Variants in MEGF11 observed in about 807,000 individuals in gnomAD.
MEGF11 encodes multiple epidermal growth factor-like domains protein 11.
MEGF11 carries 126 observed loss-of-function variants against 146.6 expected under a neutral mutation model. The observed-to-expected ratio is 0.86, with a 90% CI of 0.74 to 1.00. The LOEUF (loss-of-function observed/expected upper bound fraction) is 1.00. Among genes scored for constraint, MEGF11 ranks in the 50% least tolerant of loss-of-function variants. The probability of loss-of-function intolerance (pLI) is 0.00; values close to 1 mark genes in which losing one functional copy is unlikely to be tolerated. For missense variants in MEGF11, 1,509 were observed against 1,521.2 expected, an observed-to-expected ratio of 0.99 and a Z score of 0.13; for synonymous variants, 532 against 583.4, an observed-to-expected ratio of 0.91 and a Z score of 1.27.
At chr15:66,052,435 TCTCAA>T (rs1187712564) in intron 5 of MEGF11, among the ~76,000 whole-genome samples, 3 of 152,136 alleles carry the variant, frequency 2.0e-5, no homozygotes, top group Non-Finnish European at 4.4e-5. Context: ...TTGAAAGAGC[TCTCAA>T]AAGCACATAG....
intron 1 of MEGF11, among the ~76,000 whole-genome samples, chr15:66,169,894 C>T (rs1001932072): frequency 6.6e-6 from 1 of 152,172 alleles, no homozygotes; most frequent in Non-Finnish European, 1.5e-5. Flanking sequence ...CTTCTCCAAG[C>T]TCCCTTCACC....
At chr15:66,185,187 A>G (rs1052928387) in intron 1 of MEGF11, among the ~76,000 whole-genome samples, 1 of 151,986 alleles carries the variant, frequency 6.6e-6, no homozygotes, top group African/African-American at 2.4e-5. Flanking sequence ...GAATGTGGGG[A>G]CGGCAGCTCA....
At chr15:66,173,840 A>G (rs1345919435) in intron 1 of MEGF11, among the ~76,000 whole-genome samples, 1 of 152,216 alleles carries the variant, frequency 6.6e-6, no homozygotes, top group African/African-American at 2.4e-5. Flanking sequence ...TGCTTCCTGC[A>G]GAGACCACCC....
intron 7 of MEGF11, among the ~76,000 whole-genome samples, chr15:65,972,544 A>T (rs1008928930): frequency 2.0e-5 from 3 of 152,140 alleles, no homozygotes; most frequent in Non-Finnish European, 4.4e-5. Flanking sequence ...TCTCATCTCT[A>T]CAAAAACAAA....
chr15:66,150,522 G>A (rs2089524037), intron 1 of MEGF11, among the ~76,000 whole-genome samples: 2 of 151,996 alleles, frequency 1.3e-5, no homozygotes, highest in African/African-American at 4.8e-5. Context: ...ATTAACTGCA[G>A]TAAGCCCACC....
chr15:65,969,973 A>G, intron 8 of MEGF11, among the ~76,000 whole-genome samples: 1 of 152,072 alleles, frequency 6.6e-6, no homozygotes, highest in Non-Finnish European at 1.5e-5. Flanking sequence ...CTGCCCTGTC[A>G]TCATGGCCTC....
At position 65,933,077 on chromosome 15, in the gene MEGF11, C is replaced by T. The variant is rs187261092; in HGVS notation, c.1288-2134G>A. ...GAACCGAGGGTGTGGGTCTTTGCCA[C>T]GGAGAGGCTTCTCTCCAGCCCTTTT... On this transcript the variant is annotated intron_variant, in intron 10 of 25. Coordinates refer to ENST00000395614, the MANE Select transcript of MEGF11 (RefSeq NM_001385028.1). Among the ~76,000 whole-genome samples, 662 of 152,200 alleles carry T rather than the reference C, an allele frequency of 4.3e-3. 11 individuals carry two copies. The highest frequency in any genetic ancestry group is 0.015 in the African/African-American group (640 of 41,518).
At chr15:66,198,012 C>G (rs1177303247) in intron 1 of MEGF11, among the ~76,000 whole-genome samples, 1 of 152,176 alleles carries the variant, frequency 6.6e-6, no homozygotes, top group Non-Finnish European at 1.5e-5. Context: ...ATCGCTAGAG[C>G]TCAGGAGTTC....
chr15:66,040,932 C>A (rs2083947432), intron 5 of MEGF11, among the ~76,000 whole-genome samples: 1 of 151,368 alleles, frequency 6.6e-6, no homozygotes, highest in African/African-American at 2.4e-5. Context: ...TTTTTCCCCC[C>A]CGGTTTTCAC....
chr15:66,130,482 G>A (rs2088593401), intron 1 of MEGF11, among the ~76,000 whole-genome samples: 1 of 152,108 alleles, frequency 6.6e-6, no homozygotes, highest in Non-Finnish European at 1.5e-5. Context: ...AAAAGATGAG[G>A]CCACCTGGAC....
At chr15:66,145,384 C>T (rs954559721) in intron 1 of MEGF11, among the ~76,000 whole-genome samples, 5 of 152,058 alleles carry the variant, frequency 3.3e-5, no homozygotes, top group African/African-American at 1.2e-4. Flanking sequence ...TTCAAAGCCA[C>T]TTACAAAGTG....
At chr15:65,923,036 A>C in intron 13 of MEGF11, 67 bp from the exon 14 acceptor site, 9 of 1,547,172 alleles carry the variant, frequency 5.8e-6, no homozygotes, top group Non-Finnish European at 7.9e-6. Context: ...AATGGAGGGA[A>C]GGGGGACAGT....
At chr15:66,047,345 A>T (rs1277228733) in intron 5 of MEGF11, among the ~76,000 whole-genome samples, 1 of 152,164 alleles carries the variant, frequency 6.6e-6, no homozygotes, top group Admixed American at 6.5e-5. Context: ...GTTACTGAAC[A>T]TCTCTAAGCC....
At chr15:66,151,817 G>T (rs1368433202) in intron 1 of MEGF11, among the ~76,000 whole-genome samples, 1 of 152,204 alleles carries the variant, frequency 6.6e-6, no homozygotes, top group African/African-American at 2.4e-5. Context: ...AAGACAGACC[G>T]CTGACCCTGG....
chr15:65,982,572 T>G lies in MEGF11; in HGVS notation c.395-84A>C. ...GCCAGGAACCGATGCCCATGCGGCC[T>G]TCCCATCTTTGCAGCGCTGCTCCCC... On this transcript the variant is annotated intron_variant, in intron 5 of 25. Transcript: ENST00000395614. The surrounding 1 kb of genome is among the most constrained non-coding windows in gnomAD (Gnocchi z 5.6). 1 of 1,390,220 alleles carries G rather than the reference T, an allele frequency of 7.2e-7. No individual in the cohort carries two copies. Among genetic ancestry groups the G allele is most frequent in the Non-Finnish European group, 9.3e-7 (1 of 1,071,192 alleles). 86.1% of individuals were successfully genotyped at this position (1,390,220 alleles called of 1,614,324 possible).
At chr15:65,994,439 C>T (rs911416966) in intron 5 of MEGF11, among the ~76,000 whole-genome samples, 6 of 152,168 alleles carry the variant, frequency 3.9e-5, no homozygotes, top group East Asian at 1.9e-4. Flanking sequence ...GGTGGGCCCA[C>T]GGAGCATTTT....
intron 5 of MEGF11, among the ~76,000 whole-genome samples, chr15:66,067,676 T>C (rs1321829741): frequency 6.6e-6 from 1 of 152,210 alleles, no homozygotes; most frequent in Admixed American, 6.5e-5. Context: ...AATAGCCTTT[T>C]ATGGCTCCCA....
chr15:66,079,984 G>A (rs1461679484), intron 5 of MEGF11, among the ~76,000 whole-genome samples: 1 of 152,234 alleles, frequency 6.6e-6, no homozygotes, highest in Admixed American at 6.5e-5. Flanking sequence ...ACGGAGCATG[G>A]GAGAGAGGAG....
intron 5 of MEGF11, among the ~76,000 whole-genome samples, chr15:66,044,983 C>A (rs1398405273): frequency 1.3e-5 from 2 of 152,022 alleles, no homozygotes; most frequent in South Asian, 4.2e-4. Flanking sequence ...CAGTGCCCTG[C>A]AGCAGGACAG....
Sources: gnomAD v4.1 joint callset for allele counts (sites outside exome capture counted in the v4.1 genomes callset) on GRCh38, gnomAD v4.1.1 for gene constraint, Gnocchi (gnomAD v3.1) non-coding constraint, MANE v1.5 for transcripts, NCBI Gene and HGNC (gene_info 2026-07-23, HGNC 2026-07-21) for gene names.